Variants in ARL6IP5 observed in about 807,000 individuals in gnomAD.
ARL6IP5 encodes the protein PRA1 family protein 3.
Under a neutral mutation model 13.0 loss-of-function variants are expected in ARL6IP5, and 6 were observed. That is an observed-to-expected ratio of 0.46 (90% CI 0.25 to 0.91). The LOEUF (loss-of-function observed/expected upper bound fraction) is 0.91. Among genes scored for constraint, ARL6IP5 ranks in the 40% least tolerant of loss-of-function variants. ARL6IP5 has a pLI of 0.17. For missense variants in ARL6IP5, 208 were observed against 248.8 expected (o/e 0.84, Z 1.10); for synonymous variants, 91 against 91.9 (o/e 0.99, Z 0.06).
chr3:69,103,378 C>CTGTA (rs2092312122), intron 2 of ARL6IP5, among the ~76,000 whole-genome samples: 2 of 152,214 alleles, frequency 1.3e-5, no homozygotes. Flanking sequence ...CCTATATGGG[C>CTGTA]TGTAGTTCAC....
chr3:69,093,286 G>A (rs1377852042), intron 1 of ARL6IP5, among the ~76,000 whole-genome samples: 1 of 152,158 alleles, frequency 6.6e-6, no homozygotes, highest in Non-Finnish European at 1.5e-5. Context: ...TAAATATTTA[G>A]GGAATGGCAA....
At chr3:69,093,586 A>C (rs1245922249) in intron 1 of ARL6IP5, among the ~76,000 whole-genome samples, 1 of 152,000 alleles carries the variant, frequency 6.6e-6, no homozygotes, top group Non-Finnish European at 1.5e-5. Context: ...AACATGGTGA[A>C]ACATCGTCTC....
At chr3:69,085,502 C>G (rs1215401950) in intron 1 of ARL6IP5, among the ~76,000 whole-genome samples, 2 of 152,208 alleles carry the variant, frequency 1.3e-5, no homozygotes, top group Admixed American at 6.5e-5. Flanking sequence ...GAGAGTTCCC[C>G]CACCCCCCTG....
chr3:69,100,343 C>T (rs2092301097), intron 1 of ARL6IP5, among the ~76,000 whole-genome samples: 1 of 152,190 alleles, frequency 6.6e-6, no homozygotes, highest in Non-Finnish European at 1.5e-5. Context: ...TGAAAATCTG[C>T]ATTGGTAACT....
intron 1 of ARL6IP5, among the ~76,000 whole-genome samples, 154 bp downstream of exon 1, chr3:69,085,377 C>T (rs1388068103): frequency 1.3e-5 from 2 of 152,224 alleles, no homozygotes; most frequent in African/African-American, 4.8e-5. Context: ...AACTTGTTTG[C>T]AGGGCGAGGC....
chr3:69,085,248 A>G, intron 1 of ARL6IP5, 25 bp downstream of exon 1: 1 of 1,600,962 alleles, frequency 6.2e-7, no homozygotes, highest in South Asian at 1.1e-5. Flanking sequence ...CCTACCCGGG[A>G]CACCGATCCG....
At chr3:69,088,251 G>C (rs1297835580) in intron 1 of ARL6IP5, among the ~76,000 whole-genome samples, 9 of 152,220 alleles carry the variant, frequency 5.9e-5, no homozygotes, top group Admixed American at 3.9e-4. Flanking sequence ...CTCTTTCGGT[G>C]ATGCTAGTAG....
At chr3:69,101,344 A>C (rs566049409) in intron 1 of ARL6IP5, among the ~76,000 whole-genome samples, 1 of 114,338 alleles carries the variant, frequency 8.7e-6, no homozygotes, top group African/African-American at 4.2e-5. Flanking sequence ...TTTTAATGAG[A>C]TAAGGTCTCA....
intron 1 of ARL6IP5, among the ~76,000 whole-genome samples, chr3:69,087,511 A>T (rs1370467511): frequency 6.6e-6 from 1 of 152,082 alleles, no homozygotes; most frequent in Non-Finnish European, 1.5e-5. Context: ...TTCTTCAGAC[A>T]TGTGTGCTGC....
intron 1 of ARL6IP5, among the ~76,000 whole-genome samples, chr3:69,097,021 T>G (rs909101792): frequency 6.6e-6 from 1 of 152,160 alleles, no homozygotes; most frequent in Admixed American, 6.6e-5. Flanking sequence ...TGTTCATTTT[T>G]AAATACCAAT....
At chr3:69,098,494 C>T (rs2092294294) in intron 1 of ARL6IP5, among the ~76,000 whole-genome samples, 1 of 152,128 alleles carries the variant, frequency 6.6e-6, no homozygotes, top group Non-Finnish European at 1.5e-5. Context: ...ATCTGCCCGC[C>T]TCAGCCTCCC....
intron 1 of ARL6IP5, among the ~76,000 whole-genome samples, chr3:69,093,175 G>T (rs2092275046): frequency 1.3e-5 from 2 of 152,120 alleles, no homozygotes; most frequent in Non-Finnish European, 2.9e-5. Context: ...GGTTCCTAAG[G>T]CATGTCTTAG....
At position 69,105,214 on chromosome 3, in the gene ARL6IP5, G is replaced by T; in HGVS notation, c.*578G>T. The T allele has an allele frequency of 4.2e-6, 1 of 236,082 alleles. No homozygotes were observed. The allele number at this position is 236,082 out of a possible 1,614,324, so 14.6% of individuals were successfully genotyped here. A position where few individuals can be genotyped will look rare whatever the true frequency, so the allele number is the denominator to read the frequency against. ...TTCCTTTACAAATATAAAGATAGCT[G>T]TTTAGGATATTTTGTTACATTTTTG... On this transcript the variant is annotated 3_prime_UTR_variant, in exon 3 of 3. Coordinates refer to ENST00000273258, the MANE Select transcript of ARL6IP5 (RefSeq NM_006407.4).
intron 1 of ARL6IP5, among the ~76,000 whole-genome samples, chr3:69,089,140 T>C (rs2092257065): frequency 6.6e-6 from 1 of 152,220 alleles, no homozygotes. Flanking sequence ...TGAGAGGCAC[T>C]GGATTGGTCT....
chr3:69,095,495 C>A (rs2107512825), intron 1 of ARL6IP5, among the ~76,000 whole-genome samples: 1 of 151,098 alleles, frequency 6.6e-6, no homozygotes, highest in African/African-American at 2.4e-5. Flanking sequence ...TTCTCACCAT[C>A]CCTCGTTCTT....
At position 69,104,924 on chromosome 3, in the gene ARL6IP5, AT is replaced by A. The variant is rs1445770775; in HGVS notation, c.*289del. Reference sequence around the variant, plus strand: ...GATTTCTTTAAGGGAATTAAAAAAAATAAAAGAATTACGGCTTTTACAGCAA... The same window carrying A: ...GATTTCTTTAAGGGAATTAAAAAAAAAAAAGAATTACGGCTTTTACAGCAA... On this transcript the variant is annotated 3_prime_UTR_variant, in exon 3 of 3. Coordinates refer to ENST00000273258, the MANE Select transcript of ARL6IP5 (RefSeq NM_006407.4). 2.9e-6 allele frequency: 2 copies of A among 694,160 alleles called. No homozygotes were observed. The highest frequency in any genetic ancestry group is 3.1e-5 in the South Asian group (2 of 64,770). The allele number at this position is 694,160 out of a possible 1,614,324, so 43.0% of individuals were successfully genotyped here. A position where few individuals can be genotyped will look rare whatever the true frequency, so the allele number is the denominator to read the frequency against.
At chr3:69,094,694 C>T (rs1264778950) in intron 1 of ARL6IP5, among the ~76,000 whole-genome samples, 1 of 152,154 alleles carries the variant, frequency 6.6e-6, no homozygotes, top group Non-Finnish European at 1.5e-5. Context: ...TCTTTTTGGC[C>T]TTGCAGCCTG....
At chr3:69,101,765 T>C (rs1183997746) in intron 1 of ARL6IP5, 74 bp from the exon 2 acceptor site, 1 of 1,272,470 alleles carries the variant, frequency 7.9e-7, no homozygotes, top group Non-Finnish European at 1.1e-6. Context: ...ATAATTGTTT[T>C]TACTCCTCTT....
In ARL6IP5 at chr3:69,101,932, T is replaced by A. The variant is rs202061174; in HGVS notation, c.270T>A (p.Leu90=). 1 of 1,614,032 alleles carries A rather than the reference T, an allele frequency of 6.2e-7. No homozygotes were observed. The highest frequency in any genetic ancestry group is 1.3e-5 in the African/African-American group (1 of 74,970). The change falls in exon 2 of 3, where the codon CTT becomes CTA. Residue 90 remains leucine (L), a synonymous_variant. Coordinates refer to ENST00000273258, the MANE Select transcript of ARL6IP5 (RefSeq NM_006407.4). Reference sequence around the variant, plus strand: ...GGGCAGCCCACAATAAAGACGTCCTTCGCCGGATGAAGAAGCGCTACCCCA... The same window carrying A: ...GGGCAGCCCACAATAAAGACGTCCTACGCCGGATGAAGAAGCGCTACCCCA... ...FVWAAHNKDV[L]RRMKKRYPTT...
Sources: allele counts gnomAD v4.1 joint callset (sites outside exome capture counted in the v4.1 genomes callset), GRCh38; gene constraint gnomAD v4.1.1; transcripts MANE v1.5; gene names NCBI Gene and HGNC (gene_info 2026-07-23, HGNC 2026-07-21).